Variants in ZEB2 observed in about 807,000 individuals in gnomAD.
The protein encoded by ZEB2 is zinc finger E-box-binding homeobox 2.
A neutral mutation model predicts 99.9 loss-of-function variants in ZEB2; 6 were observed. That is an observed-to-expected ratio of 0.06 (90% CI 0.03 to 0.12). ZEB2 has a LOEUF of 0.12. Among genes scored for constraint, ZEB2 ranks in the 10% least tolerant of loss-of-function variants. ZEB2 has a pLI of 1.00. For missense variants in ZEB2, 969 were observed against 1,502.8 expected (o/e 0.64, Z 5.87); for synonymous variants, 517 against 542.5 (o/e 0.95, Z 0.65).
chr2:144,472,997 T>A (rs996293744), intron 2 of ZEB2, among the ~76,000 whole-genome samples: 3 of 151,750 alleles, frequency 2.0e-5, no homozygotes, highest in East Asian at 1.9e-4. Flanking sequence ...GAAAAAAAAA[T>A]TTGTCAGTGT....
chr2:144,417,252 A>C (rs1573733277), intron 4 of ZEB2, among the ~76,000 whole-genome samples: 1 of 152,184 alleles, frequency 6.6e-6, no homozygotes, highest in African/African-American at 2.4e-5. Flanking sequence ...AACACCCCTA[A>C]AATTTTATGT....
chr2:144,441,208 A>AG (rs59338642), intron 2 of ZEB2, among the ~76,000 whole-genome samples: 44 of 145,588 alleles, frequency 3.0e-4, no homozygotes, highest in Non-Finnish European at 2.9e-4. Context: ...AGAGAGAGAG[A>AG]ACCTCATGCC....
At chr2:144,491,590 T>G (rs925546741) in intron 2 of ZEB2, among the ~76,000 whole-genome samples, 7 of 152,174 alleles carry the variant, frequency 4.6e-5, no homozygotes, top group Admixed American at 1.3e-4. Context: ...TCTTCATATG[T>G]CCTCAGTAGT....
intron 7 of ZEB2, among the ~76,000 whole-genome samples, chr2:144,400,533 C>T (rs908633545): frequency 3.9e-5 from 6 of 152,200 alleles, no homozygotes; most frequent in South Asian, 2.1e-4. Context: ...TGTCTGCCAT[C>T]GGCAGCCTCC....
At chr2:144,390,368 T>G (rs1304729279) in intron 9 of ZEB2, among the ~76,000 whole-genome samples, 1 of 152,222 alleles carries the variant, frequency 6.6e-6, no homozygotes, top group Non-Finnish European at 1.5e-5. Context: ...ATCTAGCACA[T>G]GTTTTCATCA....
Position 144,517,359 on chromosome 2 carries a change from G to A in ZEB2, c.-9C>T, listed in dbSNP as rs730881183. 8.1e-6 allele frequency: 13 copies of A among 1,613,574 alleles called. No homozygotes were observed. In the Admixed American group the frequency reaches 2.0e-4, roughly 25 times the overall value. On this transcript the variant is annotated 5_prime_UTR_variant, in exon 2 of 10. Transcript: ENST00000627532. Reference sequence around the variant, plus strand: ...ATGATCGGCTGCTTCATTGATAAGAGCGGATCAGATGGCAGTTCGCATGGA... The same window carrying A: ...ATGATCGGCTGCTTCATTGATAAGAACGGATCAGATGGCAGTTCGCATGGA...
At chr2:144,509,473 C>T (rs1704998850) in intron 2 of ZEB2, among the ~76,000 whole-genome samples, 1 of 152,170 alleles carries the variant, frequency 6.6e-6, no homozygotes, top group African/African-American at 2.4e-5. Flanking sequence ...CATGTTCGCA[C>T]AACTTCTAAT....
intron 2 of ZEB2, chr2:144,504,151 G>C (rs1010000454): frequency 6.6e-6 from 1 of 150,572 alleles, no homozygotes; most frequent in Admixed American, 6.6e-5. Flanking sequence ...ATGAGATTTG[G>C]CTTTCAAGCT....
At position 144,399,424 on chromosome 2, in the gene ZEB2, T is replaced by C. The variant is rs755652778; in HGVS notation, c.1763A>G (p.Glu588Gly). 2.5e-6 allele frequency: 4 copies of C among 1,614,092 alleles called. No individual in the cohort carries two copies. The highest frequency in any genetic ancestry group is 1.7e-5 in the Admixed American group (1 of 60,008). Residue 588 changes from glutamate to glycine, a missense_variant, in exon 8 of 10, where the codon GAA becomes GGA. Coordinates refer to ENST00000627532, the MANE Select transcript of ZEB2 (RefSeq NM_014795.4). This position sits in a 1 kb window ranked among gnomAD's most constrained non-coding sequence, Gnocchi z 5.6. ...CAAAGGGATGGGGCCAGGAAAACTT[T>C]CTTTACAGAACTGGCATGAAAATGG... ...STPFSCQFCK[E>G]SFPGPIPLHQ... is the part of the protein sequence containing the mutation.
intron 2 of ZEB2, among the ~76,000 whole-genome samples, chr2:144,464,573 T>TA (rs1026778032): frequency 6.6e-6 from 1 of 152,180 alleles, no homozygotes; most frequent in Non-Finnish European, 1.5e-5. Context: ...TGGTTTTTTT[T>TA]AATTTGTTTT....
Position 144,386,882 on chromosome 2 carries a change from T to C in ZEB2, c.*2569A>G, listed in dbSNP as rs73964989. 0.017 allele frequency: 2,603 copies of C among 151,982 alleles called. 41 individuals are homozygous for C. The highest frequency in any genetic ancestry group is 0.038 in the African/African-American group (1,564 of 41,432). 9.4% of individuals were successfully genotyped at this position (151,982 alleles called of 1,614,324 possible). A position where few individuals can be genotyped will look rare whatever the true frequency, so the allele number is the denominator to read the frequency against. ...TTCCAAATATAAAAACTCTAGGCTG[T>C]GGATAACAGGAGGCATAGCATTTTG... On this transcript the variant is annotated 3_prime_UTR_variant, in exon 10 of 10. Coordinates refer to ENST00000627532, the MANE Select transcript of ZEB2 (RefSeq NM_014795.4).
At chr2:144,440,128 G>A (rs762064276) in intron 2 of ZEB2, among the ~76,000 whole-genome samples, 22 of 152,104 alleles carry the variant, frequency 1.4e-4, no homozygotes, top group Non-Finnish European at 2.8e-4. Context: ...CACTTTGAAT[G>A]GCTATTTATT....
At chr2:144,491,507 G>A (rs575660622) in intron 2 of ZEB2, among the ~76,000 whole-genome samples, 1 of 152,048 alleles carries the variant, frequency 6.6e-6, no homozygotes, top group Non-Finnish European at 1.5e-5. Context: ...AGATGGTGCC[G>A]GGCAGACTTT....
chr2:144,504,688 C>T (rs747537468), intron 2 of ZEB2: 5 of 152,302 alleles, frequency 3.3e-5, no homozygotes, highest in Non-Finnish European at 7.3e-5. Flanking sequence ...ACGTGTAATA[C>T]CTCTGCTGCA....
In ZEB2 at chr2:144,398,186, C is replaced by T. The variant is rs1402586429; in HGVS notation, c.2886+115G>A. 5 of 1,386,482 alleles carry T rather than the reference C, an allele frequency of 3.6e-6. No homozygotes were observed. The East Asian group carries it at 1.3e-4, about 35-fold the overall frequency. 85.9% of individuals were successfully genotyped at this position (1,386,482 alleles called of 1,614,324 possible). A position where few individuals can be genotyped will look rare whatever the true frequency, so the allele number is the denominator to read the frequency against. On this transcript the variant is annotated intron_variant, in intron 8 of 9. Coordinates refer to ENST00000627532, the MANE Select transcript of ZEB2 (RefSeq NM_014795.4). ...TGATGGTTTTAGGTTCATGTTAAAG[C>T]AAACTCTTCTGTTTCTGCTGAGTTT... is the stretch of plus-strand genomic sequence containing the variant.
chr2:144,445,784 A>T (rs1446495420), intron 2 of ZEB2, among the ~76,000 whole-genome samples: 1 of 152,120 alleles, frequency 6.6e-6, no homozygotes, highest in African/African-American at 2.4e-5. Context: ...ATTCCTAAAG[A>T]ATTTTACCTG....
At chr2:144,443,294 G>A (rs1234560590) in intron 2 of ZEB2, among the ~76,000 whole-genome samples, 2 of 152,042 alleles carry the variant, frequency 1.3e-5, no homozygotes, top group African/African-American at 2.4e-5. Flanking sequence ...TTAGCTAAAG[G>A]GCCATATGCC....
Position 144,398,967 on chromosome 2 carries a change from T to A in ZEB2, c.2220A>T (p.Thr740=), listed in dbSNP as rs141751072. The A allele has an allele frequency of 6.2e-7, 1 of 1,614,170 alleles. No homozygotes were observed. Among genetic ancestry groups the A allele is most frequent in the African/African-American group, 1.3e-5 (1 of 75,028 alleles). ...RSPVKPMDSI[T]SPSIAELHNS... ...TGTGGAGTTCTGCTATAGATGGTGA[T>A]GTTATGGAGTCCATAGGTTTTACAG... The change falls in exon 8 of 10, where the codon ACA becomes ACT. Residue 740 remains threonine (T), a synonymous_variant. Transcript: ENST00000627532.
chr2:144,503,299 GA>G (rs1165952792), intron 2 of ZEB2, among the ~76,000 whole-genome samples: 1 of 152,160 alleles, frequency 6.6e-6, no homozygotes, highest in Middle Eastern at 3.2e-3. Context: ...TAATATCTAG[GA>G]ATAAACAGAG....
Sources: gnomAD v4.1 joint callset for allele counts (sites outside exome capture counted in the v4.1 genomes callset) on GRCh38, gnomAD v4.1.1 for gene constraint, Gnocchi (gnomAD v3.1) non-coding constraint, MANE v1.5 for transcripts, NCBI Gene and HGNC (gene_info 2026-07-23, HGNC 2026-07-21) for gene names.